Variants in TIAM1 observed in about 807,000 individuals in gnomAD.
TIAM1 encodes the protein rho guanine nucleotide exchange factor TIAM1.
In TIAM1, 65 loss-of-function variants were observed where a neutral mutation model predicts 163.5. That is an observed-to-expected ratio of 0.40 (90% confidence interval 0.33 to 0.49). TIAM1 has a LOEUF of 0.49. Ranked by LOEUF, TIAM1 falls within the 20% of genes least tolerant of loss-of-function variation. The pLI, the probability that TIAM1 is intolerant of heterozygous loss-of-function variation, is 0.77. For missense variants in TIAM1, 1,789 were observed against 2,044.7 expected (o/e 0.87, Z 2.41); for synonymous variants, 833 against 810.1 (o/e 1.03, Z -0.48).
rs918412319 is a variant in TIAM1, at chr21:31,142,665, GA to G, written c.3476-1162del. Among the ~76,000 whole-genome samples, 33 of 150,368 alleles carry G rather than the reference GA, an allele frequency of 2.2e-4. 1 individual carries two copies. In the East Asian group the frequency reaches 6.3e-3, roughly 29 times the overall value. On this transcript the variant is annotated intron_variant, in intron 20 of 27. Transcript: ENST00000541036. ...AAAAAAAGAAAGAAAAAAAGAAAAA[GA>G]AAAAGAAAAAAAAGGCAAGCAGATG...
At chr21:31,179,839 C>T (rs1359755369) in intron 15 of TIAM1, among the ~76,000 whole-genome samples, 2 of 151,450 alleles carry the variant, frequency 1.3e-5, no homozygotes, top group Non-Finnish European at 2.9e-5. Context: ...ATTTTAAACT[C>T]TATTAAATGT....
At chr21:31,295,277 C>CT (rs2074196985) in intron 2 of TIAM1, among the ~76,000 whole-genome samples, 1 of 151,870 alleles carries the variant, frequency 6.6e-6, no homozygotes, top group Non-Finnish European at 1.5e-5. Context: ...GAGACCATCC[C>CT]GGCTAACACG....
At chr21:31,410,597 CTG>C (rs778245026) in intron 2 of TIAM1, among the ~76,000 whole-genome samples, 35 of 151,814 alleles carry the variant, frequency 2.3e-4, no homozygotes, top group African/African-American at 6.3e-4. Flanking sequence ...GTGTATGAGA[CTG>C]TGTGAGAGTG....
At chr21:31,298,384 G>A (rs2074370672) in intron 2 of TIAM1, among the ~76,000 whole-genome samples, 1 of 152,114 alleles carries the variant, frequency 6.6e-6, no homozygotes, top group African/African-American at 2.4e-5. Context: ...ACTGTCTATT[G>A]AAAACCTGTG....
intron 2 of TIAM1, among the ~76,000 whole-genome samples, chr21:31,282,016 C>A (rs1323128845): frequency 6.6e-6 from 1 of 152,152 alleles, no homozygotes; most frequent in African/African-American, 2.4e-5. Context: ...TCTAAGGATA[C>A]ACAATTTAAA....
chr21:31,217,744 A>C (rs2087303687), intron 8 of TIAM1, 45 bp from the exon 9 acceptor site: 8 of 1,597,170 alleles, frequency 5.0e-6, no homozygotes, highest in Non-Finnish European at 6.0e-6. Context: ...ATGCATCAGG[A>C]CCACCCACTT....
At chr21:31,550,054 G>A (rs537847225) in intron 1 of TIAM1, among the ~76,000 whole-genome samples, 1 of 152,118 alleles carries the variant, frequency 6.6e-6, no homozygotes, top group East Asian at 1.9e-4. Flanking sequence ...AACCTGGGAG[G>A]TGGAGGCTAC....
chr21:31,210,667 A>G lies in TIAM1; in HGVS notation c.2218-452T>C, dbSNP rs930787532. 3.7e-3 allele frequency among the ~76,000 whole-genome samples: 77 copies of G among 20,904 alleles called. 3 individuals are homozygous for G. The highest frequency in any genetic ancestry group is 9.2e-3 in the African/African-American group (38 of 4,122). The allele number at this position is 20,904 out of a possible 152,430, so 13.7% of individuals were successfully genotyped here. On this transcript the variant is annotated intron_variant, in intron 10 of 27. Transcript: ENST00000541036. Reference sequence around the variant, plus strand: ...AAAGAAAGAAAGAAAGAAAGAAAGAAAAAGAAAGAAAGAAAGAAAAAGAAA... The same window carrying G: ...AAAGAAAGAAAGAAAGAAAGAAAGAGAAAGAAAGAAAGAAAGAAAAAGAAA...
At chr21:31,485,533 C>A (rs1175316038) in intron 1 of TIAM1, among the ~76,000 whole-genome samples, 1 of 152,180 alleles carries the variant, frequency 6.6e-6, no homozygotes, top group African/African-American at 2.4e-5. Context: ...TCTGGGATAA[C>A]AGATCAAAAT....
intron 1 of TIAM1, among the ~76,000 whole-genome samples, chr21:31,531,688 T>TA (rs1276173483): frequency 6.6e-6 from 1 of 151,672 alleles, no homozygotes; most frequent in African/African-American, 2.4e-5. Context: ...TGCTTTTTTT[T>TA]ACTCACCATT....
chr21:31,306,219 G>A (rs1444665954), intron 2 of TIAM1, among the ~76,000 whole-genome samples: 1 of 152,026 alleles, frequency 6.6e-6, no homozygotes, highest in African/African-American at 2.4e-5. Flanking sequence ...AGGAGTTTGA[G>A]GCTGTGGTGA....
intron 2 of TIAM1, among the ~76,000 whole-genome samples, chr21:31,383,339 TTC>T (rs1401195697): frequency 3.3e-5 from 5 of 152,190 alleles, no homozygotes; most frequent in Non-Finnish European, 5.9e-5. Flanking sequence ...CATACAGTGA[TTC>T]TCTGAGTGCC....
intron 3 of TIAM1, among the ~76,000 whole-genome samples, chr21:31,274,983 G>C (rs1463772230): frequency 6.6e-6 from 1 of 151,314 alleles, no homozygotes; most frequent in African/African-American, 2.4e-5. Flanking sequence ...GGTGGGGGCG[G>C]GGGGCAGGGG....
At chr21:31,203,078 C>A in intron 11 of TIAM1, 66 bp from the exon 12 acceptor site, 1 of 1,255,214 alleles carries the variant, frequency 8.0e-7, no homozygotes, top group Admixed American at 1.7e-5. Context: ...AATTAGTTCT[C>A]CACCAACATA....
At chr21:31,180,071 A>G (rs1283879370) in intron 15 of TIAM1, among the ~76,000 whole-genome samples, 1 of 151,822 alleles carries the variant, frequency 6.6e-6, no homozygotes, top group African/African-American at 2.4e-5. Context: ...ACGGATGGCT[A>G]ATTTTTGTAT....
At chr21:31,424,300 CG>C (rs1432844232) in intron 2 of TIAM1, among the ~76,000 whole-genome samples, 1 of 152,146 alleles carries the variant, frequency 6.6e-6, no homozygotes, top group Non-Finnish European at 1.5e-5. Flanking sequence ...GATTTGTCTA[CG>C]ATCTCACAGC....
chr21:31,310,419 T>A (rs35023069), intron 2 of TIAM1, among the ~76,000 whole-genome samples: 5,725 of 152,234 alleles, frequency 0.038, 155 homozygotes, highest in Non-Finnish European at 0.055. Flanking sequence ...AGTAAACCTA[T>A]AAATCCATGA....
At chr21:31,401,767 G>T (rs987343154) in intron 2 of TIAM1, among the ~76,000 whole-genome samples, 1 of 151,886 alleles carries the variant, frequency 6.6e-6, no homozygotes, top group Non-Finnish European at 1.5e-5. Context: ...AAATTAGCTG[G>T]TCATGGTGGT....
intron 22 of TIAM1, among the ~76,000 whole-genome samples, chr21:31,136,742 T>C (rs1158036048): frequency 6.6e-6 from 1 of 152,208 alleles, no homozygotes. Flanking sequence ...CAGAGACAGT[T>C]TCCCAAGGAG....
Sources: gnomAD v4.1 joint callset for allele counts (sites outside exome capture counted in the v4.1 genomes callset) on GRCh38, gnomAD v4.1.1 for gene constraint, MANE v1.5 for transcripts, NCBI Gene and HGNC (gene_info 2026-07-23, HGNC 2026-07-21) for gene names.